CCDC169: variants seen among roughly 807,000 people sequenced by gnomAD.
CCDC169 encodes coiled-coil domain containing 169, also known as coiled-coil domain-containing protein 169.
In CCDC169, 30 loss-of-function variants were observed where a neutral mutation model predicts 36.0. The ratio of observed to expected loss-of-function variants is 0.83; its 90% CI spans 0.62 to 1.13. CCDC169 has a LOEUF of 1.13. Among genes scored for constraint, CCDC169 ranks in the 50% most tolerant of loss-of-function variants. The pLI, the probability that CCDC169 is intolerant of heterozygous loss-of-function variation, is 0.00. For missense variants in CCDC169, 245 were observed against 245.9 expected (o/e 1.00, Z 0.03); for synonymous variants, 85 against 81.5 (o/e 1.04, Z -0.23).
chr13:36,243,150 G>C (rs1872061338), intron 7 of CCDC169, among the ~76,000 whole-genome samples: 1 of 152,156 alleles, frequency 6.6e-6, no homozygotes, highest in African/African-American at 2.4e-5. Flanking sequence ...TACTCCCTCT[G>C]CCCAAACCTG....
intron 2 of CCDC169, among the ~76,000 whole-genome samples, chr13:36,285,265 C>G (rs1440807430): frequency 6.6e-6 from 1 of 152,048 alleles, no homozygotes; most frequent in African/African-American, 2.4e-5. Flanking sequence ...TATAGACAAG[C>G]CAGCCAGGCA....
chr13:36,261,034 G>A (rs1874546894), intron 4 of CCDC169, among the ~76,000 whole-genome samples: 1 of 152,202 alleles, frequency 6.6e-6, no homozygotes, highest in African/African-American at 2.4e-5. Context: ...AAAGAGGTAT[G>A]TGGATGGTCC....
At chr13:36,257,516 A>G (rs181812481) in intron 4 of CCDC169, among the ~76,000 whole-genome samples, 29 of 152,026 alleles carry the variant, frequency 1.9e-4, no homozygotes, top group African/African-American at 6.0e-4. Context: ...CATCCTGGCC[A>G]ATATGGTGAA....
chr13:36,248,528 A>G (rs1378407965), intron 7 of CCDC169, 78 bp downstream of exon 7: 1 of 1,370,940 alleles, frequency 7.3e-7, no homozygotes, highest in South Asian at 1.3e-5. Flanking sequence ...CTTCCAAAAT[A>G]TAGTGGACAC....
chr13:36,255,090 G>A (rs1873690762), intron 4 of CCDC169, among the ~76,000 whole-genome samples: 1 of 152,130 alleles, frequency 6.6e-6, no homozygotes, highest in Admixed American at 6.6e-5. Flanking sequence ...CAGCTTTCCT[G>A]AGGTGTTTTC....
intron 4 of CCDC169, chr13:36,281,238 C>T (rs9575792): frequency 0.26 from 113,843 of 439,972 alleles, 15,859 homozygotes; most frequent in East Asian, 0.47. Context: ...TGCACCACCC[C>T]TGGACTGCAA....
intron 7 of CCDC169, among the ~76,000 whole-genome samples, chr13:36,243,033 TC>T (rs1872042268): frequency 6.6e-6 from 1 of 152,170 alleles, no homozygotes; most frequent in Non-Finnish European, 1.5e-5. Context: ...AAGTTCAGAT[TC>T]CCCAGGGATA....
intron 7 of CCDC169, 163 bp downstream of exon 7, chr13:36,248,443 G>C (rs754031535): frequency 2.1e-4 from 110 of 531,178 alleles, no homozygotes; most frequent in Non-Finnish European, 3.1e-4. Flanking sequence ...ATAAATAGTG[G>C]AACAGATCAC....
At chr13:36,293,723 T>C (rs976698742) in intron 2 of CCDC169, among the ~76,000 whole-genome samples, 4 of 152,190 alleles carry the variant, frequency 2.6e-5, no homozygotes, top group Admixed American at 6.5e-5. Context: ...ATGTTAGCCA[T>C]GTGAATGAGT....
rs138671119 is a variant in CCDC169, at chr13:36,281,332, G to A, written c.315+2137C>T. ...TGTTTAAACCTTTCTCTTACATTCT[G>A]CCAAATGCAACCCTTGATACATCAT... is the stretch of plus-strand genomic sequence containing the variant. On this transcript the variant is annotated intron_variant, in intron 4 of 7. Transcript: ENST00000239859. 7.2e-5 allele frequency: 31 copies of A among 431,782 alleles called. No individual in the cohort carries two copies. In the East Asian group the frequency reaches 2.3e-3, roughly 31 times the overall value. 26.7% of individuals were successfully genotyped at this position (431,782 alleles called of 1,614,324 possible).
intron 4 of CCDC169, among the ~76,000 whole-genome samples, chr13:36,279,259 C>T (rs956143401): frequency 5.9e-5 from 9 of 152,014 alleles, no homozygotes; most frequent in Admixed American, 2.0e-4. Flanking sequence ...ATTTCAATAG[C>T]TTCTTATCAT....
downstream of CCDC169, among the ~76,000 whole-genome samples, chr13:36,228,682 A>G (rs1870104484): frequency 6.6e-6 from 1 of 152,048 alleles, no homozygotes; most frequent in Admixed American, 6.6e-5. Context: ...CCTTCTGAGT[A>G]CTAGGCTACA....
chr13:36,255,709 G>C (rs1183800336), intron 4 of CCDC169, among the ~76,000 whole-genome samples: 1 of 148,454 alleles, frequency 6.7e-6, no homozygotes, highest in Non-Finnish European at 1.5e-5. Context: ...CTTTGGACTT[G>C]TCCTGTGAGT....
At chr13:36,247,457 G>T (rs1306679080) in intron 7 of CCDC169, among the ~76,000 whole-genome samples, 3 of 152,152 alleles carry the variant, frequency 2.0e-5, no homozygotes, top group Non-Finnish European at 4.4e-5. Context: ...CATTCTAGAT[G>T]CCACTAAGAA....
At chr13:36,237,242 A>G (rs975975670) in intron 7 of CCDC169, among the ~76,000 whole-genome samples, 1 of 152,132 alleles carries the variant, frequency 6.6e-6, no homozygotes, top group African/African-American at 2.4e-5. Flanking sequence ...CCACAGTAAG[A>G]TATCACTTCA....
At chr13:36,247,304 A>G (rs1872628421) in intron 7 of CCDC169, among the ~76,000 whole-genome samples, 1 of 152,200 alleles carries the variant, frequency 6.6e-6, no homozygotes, top group Non-Finnish European at 1.5e-5. Context: ...CTAACATAAC[A>G]TCTATTCTGC....
chr13:36,280,551 C>A (rs1877380821), intron 4 of CCDC169: 1 of 152,080 alleles, frequency 6.6e-6, no homozygotes. Context: ...GCATAGGATT[C>A]AAAACTGTCC....
intron 7 of CCDC169, among the ~76,000 whole-genome samples, chr13:36,242,896 G>C (rs1026369401): frequency 3.3e-5 from 5 of 152,186 alleles, no homozygotes; most frequent in African/African-American, 4.8e-5. Context: ...GCTACATAAG[G>C]GGGTGGGGAG....
intron 4 of CCDC169, chr13:36,280,406 C>A (rs1877360114): frequency 6.6e-6 from 1 of 152,096 alleles, no homozygotes; most frequent in Non-Finnish European, 1.5e-5. Context: ...AAACCAGAAA[C>A]AACCTAAAAT....
Sources: allele counts gnomAD v4.1 joint callset (sites outside exome capture counted in the v4.1 genomes callset), GRCh38; gene constraint gnomAD v4.1.1; transcripts MANE v1.5; gene names NCBI Gene and HGNC (gene_info 2026-07-23, HGNC 2026-07-21).